The following PRELID2 variants were observed in gnomAD, a reference collection of about 807,000 sequenced individuals.
The protein encoded by PRELID2 is PRELI domain containing 2, also known as PRELI domain-containing protein 2.
In PRELID2, 25 loss-of-function variants were observed where a neutral mutation model predicts 28.4. The observed-to-expected ratio is 0.88, with a 90% CI of 0.64 to 1.23. The LOEUF is 1.23. Ranked by LOEUF, PRELID2 falls within the 50% of genes most tolerant of loss-of-function variation. The probability of loss-of-function intolerance (pLI) is 0.00; values close to 1 mark genes in which losing one functional copy is unlikely to be tolerated. For synonymous variants in PRELID2, 76 were observed against 71.6 expected, an observed-to-expected ratio of 1.06 and a Z score of -0.31; for missense variants, 201 against 214.4, an observed-to-expected ratio of 0.94 and a Z score of 0.39.
At chr5:145,701,292 A>G (rs1460250519) in intron 1 of PRELID2, among the ~76,000 whole-genome samples, 1 of 152,214 alleles carries the variant, frequency 6.6e-6, no homozygotes. Context: ...CATTTGACCC[A>G]AAGTATACTT....
chr5:145,598,881 G>A (rs1182644517), intron 1 of PRELID2, among the ~76,000 whole-genome samples: 4 of 152,180 alleles, frequency 2.6e-5, no homozygotes, highest in African/African-American at 9.6e-5. Context: ...GAAAGAGTTT[G>A]CTAAAGAGAT....
At chr5:145,666,391 C>T (rs1253752916) in intron 1 of PRELID2, among the ~76,000 whole-genome samples, 1 of 152,022 alleles carries the variant, frequency 6.6e-6, no homozygotes, top group African/African-American at 2.4e-5. Flanking sequence ...TCCACCCAAG[C>T]CATACAGAGC....
chr5:145,409,388 T>C, the PRELID2 span, among the ~76,000 whole-genome samples: 1 of 152,152 alleles, frequency 6.6e-6, no homozygotes, highest in African/African-American at 2.4e-5. Context: ...TAACGTTGAA[T>C]GTAAATGGCC....
At chr5:145,616,238 T>C (rs1581004766) in intron 1 of PRELID2, among the ~76,000 whole-genome samples, 1 of 152,352 alleles carries the variant, frequency 6.6e-6, no homozygotes, top group African/African-American at 2.4e-5. Flanking sequence ...CTTTTTGTGA[T>C]GGGTCCCCCA....
chr5:145,766,794 G>A (rs79694576), intron 5 of PRELID2, among the ~76,000 whole-genome samples: 2,322 of 152,238 alleles, frequency 0.015, 72 homozygotes, highest in African/African-American at 0.053. Flanking sequence ...AGACCACAGA[G>A]GTCAGGGCAC....
At chr5:145,296,352 C>A in the PRELID2 span, among the ~76,000 whole-genome samples, 1 of 125,736 alleles carries the variant, frequency 8.0e-6, no homozygotes, top group South Asian at 3.1e-4. Context: ...TCCCCCCACC[C>A]CACAACAGTC....
chr5:145,333,321 T>C, the PRELID2 span, among the ~76,000 whole-genome samples: 2 of 152,340 alleles, frequency 1.3e-5, no homozygotes, highest in South Asian at 2.1e-4. Flanking sequence ...CACTGCTCTC[T>C]TCAGAGCCAG....
At chr5:145,815,450 A>C (rs1357787783) in intron 4 of PRELID2, among the ~76,000 whole-genome samples, 1 of 152,226 alleles carries the variant, frequency 6.6e-6, no homozygotes, top group African/African-American at 2.4e-5. Context: ...CTTTTAAGGT[A>C]CACAATTCAG....
the PRELID2 span, among the ~76,000 whole-genome samples, chr5:145,380,222 T>A: frequency 6.6e-6 from 1 of 152,290 alleles, no homozygotes; most frequent in Admixed American, 6.5e-5. Context: ...CTTGCCAGTT[T>A]AACTCAATTA....
At chr5:145,454,066 T>A in the PRELID2 span, among the ~76,000 whole-genome samples, 1 of 152,206 alleles carries the variant, frequency 6.6e-6, no homozygotes, top group Non-Finnish European at 1.5e-5. Flanking sequence ...GTTGAACTAA[T>A]GTACACTCTG....
At chr5:145,597,112 G>A (rs1245785003) in intron 1 of PRELID2, among the ~76,000 whole-genome samples, 1 of 152,052 alleles carries the variant, frequency 6.6e-6, no homozygotes, top group Non-Finnish European at 1.5e-5. Flanking sequence ...CTCAAATATT[G>A]ATATGAAAAT....
At chr5:145,600,379 C>T (rs1274170034) in intron 1 of PRELID2, among the ~76,000 whole-genome samples, 1 of 137,808 alleles carries the variant, frequency 7.3e-6, no homozygotes, top group Non-Finnish European at 1.5e-5. Flanking sequence ...GAGTGATGAA[C>T]AGTAAGTGCA....
intron 1 of PRELID2, among the ~76,000 whole-genome samples, chr5:145,740,361 T>A (rs1233837237): frequency 3.2e-5 from 4 of 126,092 alleles, no homozygotes; most frequent in Non-Finnish European, 6.6e-5. Context: ...AGCTGCAAAA[T>A]ATGTGCAGCA....
chr5:145,741,662 TATATATAAATAATTTATAA>T (rs1466527828), intron 1 of PRELID2, among the ~76,000 whole-genome samples: 2 of 32,006 alleles, frequency 6.2e-5, no homozygotes, highest in African/African-American at 1.6e-4. Flanking sequence ...ATAATTTATT[TATATATAAATAATTTATAA>T]ATAATTTATT....
the PRELID2 span, among the ~76,000 whole-genome samples, chr5:145,443,688 CAA>C: frequency 6.6e-6 from 1 of 152,008 alleles, no homozygotes; most frequent in South Asian, 2.1e-4. Flanking sequence ...TGCTTGAAAA[CAA>C]ATTCCCTCCT....
At chr5:145,653,953 T>A (rs1388011266) in intron 1 of PRELID2, among the ~76,000 whole-genome samples, 1 of 151,902 alleles carries the variant, frequency 6.6e-6, no homozygotes, top group Non-Finnish European at 1.5e-5. Context: ...AATCACTGAA[T>A]CCAGGAGCTG....
At chr5:145,791,163 C>T (rs112093930) in intron 5 of PRELID2, among the ~76,000 whole-genome samples, 9 of 152,124 alleles carry the variant, frequency 5.9e-5, no homozygotes, top group South Asian at 2.1e-4. Flanking sequence ...GAGCAAGTCA[C>T]GTCTTACATG....
At chr5:145,296,415 C>T in the PRELID2 span, among the ~76,000 whole-genome samples, 1 of 142,166 alleles carries the variant, frequency 7.0e-6, no homozygotes, top group African/African-American at 2.6e-5. Context: ...TTGTTCAATT[C>T]CCACCTATGA....
intron 1 of PRELID2, among the ~76,000 whole-genome samples, chr5:145,530,877 G>A (rs138128760): frequency 1.1e-3 from 161 of 152,166 alleles, no homozygotes; most frequent in African/African-American, 3.5e-3. Context: ...TAAGTAGGCC[G>A]CTAATACTCC....
Sources: gnomAD v4.1 joint callset for allele counts (sites outside exome capture counted in the v4.1 genomes callset) on GRCh38, gnomAD v4.1.1 for gene constraint, MANE v1.5 for transcripts, NCBI Gene and HGNC (gene_info 2026-07-23, HGNC 2026-07-21) for gene names.